TMEM132B: variants seen among roughly 807,000 people sequenced by gnomAD.
The protein encoded by TMEM132B is transmembrane protein 132B.
A neutral mutation model predicts 90.8 loss-of-function variants in TMEM132B; 18 were observed. The ratio of observed to expected loss-of-function variants is 0.20; its 90% CI spans 0.14 to 0.29. The LOEUF (loss-of-function observed/expected upper bound fraction) is 0.29, where lower values mean the gene tolerates loss of function less well. Among genes scored for constraint, TMEM132B ranks in the 10% least tolerant of loss-of-function variants. The pLI is 1.00. For missense variants in TMEM132B, 1,096 were observed against 1,326.8 expected (o/e 0.83, Z 2.70); for synonymous variants, 504 against 523.3 (o/e 0.96, Z 0.50).
At chr12:125,394,502 G>A (rs181295324) in intron 2 of TMEM132B, among the ~76,000 whole-genome samples, 20 of 152,326 alleles carry the variant, frequency 1.3e-4, no homozygotes, top group African/African-American at 3.8e-4. Flanking sequence ...TCAAGTGGGC[G>A]ACAGGGTTGA....
intron 2 of TMEM132B, among the ~76,000 whole-genome samples, chr12:125,411,157 G>A (rs1186652672): frequency 2.1e-5 from 2 of 93,746 alleles, no homozygotes; most frequent in Non-Finnish European, 4.6e-5. Context: ...TGGAGTGGAG[G>A]AGTGGAGTGG....
chr12:125,531,452 G>A (rs1432397718), intron 4 of TMEM132B, among the ~76,000 whole-genome samples: 1 of 152,180 alleles, frequency 6.6e-6, no homozygotes, highest in African/African-American at 2.4e-5. Flanking sequence ...GCCTTCCAAA[G>A]TGCTGGGATT....
At chr12:125,208,115 T>C (rs1400318178) in intron 1 of TMEM132B, among the ~76,000 whole-genome samples, 1 of 152,160 alleles carries the variant, frequency 6.6e-6, no homozygotes, top group Non-Finnish European at 1.5e-5. Flanking sequence ...GAAACTGAGG[T>C]ACACAGATCA....
intron 3 of TMEM132B, among the ~76,000 whole-genome samples, chr12:125,418,517 C>CT (rs569222532): frequency 6.7e-4 from 102 of 152,196 alleles, no homozygotes; most frequent in African/African-American, 2.4e-3. Flanking sequence ...CTTTTTATCC[C>CT]TTTTTTTGTT....
chr12:125,484,556 G>T (rs1481449766), intron 3 of TMEM132B, among the ~76,000 whole-genome samples: 1 of 152,130 alleles, frequency 6.6e-6, no homozygotes, highest in Non-Finnish European at 1.5e-5. Context: ...CTCTGGAACT[G>T]GTGAGGCTGT....
At chr12:125,266,617 C>T (rs1233875906) in intron 1 of TMEM132B, among the ~76,000 whole-genome samples, 1 of 152,192 alleles carries the variant, frequency 6.6e-6, no homozygotes, top group Non-Finnish European at 1.5e-5. Flanking sequence ...TCTGTTTTGG[C>T]ATGGTTGGGG....
intron 3 of TMEM132B, among the ~76,000 whole-genome samples, chr12:125,488,469 A>T (rs1451196075): frequency 6.6e-6 from 1 of 152,152 alleles, no homozygotes; most frequent in Non-Finnish European, 1.5e-5. Flanking sequence ...TGATTGGATT[A>T]TGGGGGCGGG....
At position 125,470,077 on chromosome 12, in the gene TMEM132B, C is replaced by A. The variant is rs79539598; in HGVS notation, c.1107-49362C>A. Among the ~76,000 whole-genome samples, 8 of 152,204 alleles carry A rather than the reference C, an allele frequency of 5.3e-5. No individual in the cohort carries two copies. The East Asian group carries it at 9.6e-4, about 18-fold the overall frequency. ...ATTTGCTGGTTATAGCTGGGGACATCCATGGCTGAGCTGGACTTCTATGCT... is the reference window on the plus strand; with the variant it reads ...ATTTGCTGGTTATAGCTGGGGACATACATGGCTGAGCTGGACTTCTATGCT... On this transcript the variant is annotated intron_variant, in intron 3 of 8. Transcript: ENST00000682704.
chr12:125,462,294 A>T (rs1244760852), intron 3 of TMEM132B, among the ~76,000 whole-genome samples: 2 of 152,216 alleles, frequency 1.3e-5, no homozygotes, highest in Admixed American at 6.5e-5. Context: ...CTAAGTAGAT[A>T]TTATATTATC....
intron 1 of TMEM132B, among the ~76,000 whole-genome samples, chr12:125,309,887 A>T (rs1876082888): frequency 6.6e-6 from 1 of 152,182 alleles, no homozygotes; most frequent in Non-Finnish European, 1.5e-5. Flanking sequence ...ACTTGTTGTC[A>T]TCATCCTAGG....
At chr12:125,243,143 A>G (rs1449731577) in intron 1 of TMEM132B, among the ~76,000 whole-genome samples, 2 of 135,162 alleles carry the variant, frequency 1.5e-5, no homozygotes, top group East Asian at 4.8e-4. Flanking sequence ...ACACATATAT[A>G]TATATATAAT....
intron 5 of TMEM132B, among the ~76,000 whole-genome samples, chr12:125,609,892 G>C (rs891704803): frequency 7.0e-6 from 1 of 143,230 alleles, no homozygotes; most frequent in East Asian, 2.1e-4. Context: ...ATTTTCATTT[G>C]CTTATGTATT....
intron 3 of TMEM132B, among the ~76,000 whole-genome samples, chr12:125,456,364 G>A (rs997538346): frequency 6.6e-6 from 1 of 152,194 alleles, no homozygotes; most frequent in African/African-American, 2.4e-5. Context: ...ATCACCAGCT[G>A]TGTGCTGATA....
intron 3 of TMEM132B, among the ~76,000 whole-genome samples, chr12:125,501,583 T>C (rs1444589445): frequency 2.6e-5 from 4 of 151,518 alleles, no homozygotes; most frequent in Admixed American, 2.0e-4. Context: ...CCTGTGCCCA[T>C]GTGTTCTCAT....
At chr12:125,641,304 A>C (rs1886625159) in intron 5 of TMEM132B, among the ~76,000 whole-genome samples, 1 of 152,218 alleles carries the variant, frequency 6.6e-6, no homozygotes, top group Non-Finnish European at 1.5e-5. Flanking sequence ...TTGGGGTTAC[A>C]AATAACTTTT....
At chr12:125,252,374 G>A (rs1162139165) in intron 1 of TMEM132B, among the ~76,000 whole-genome samples, 1 of 152,140 alleles carries the variant, frequency 6.6e-6, no homozygotes, top group African/African-American at 2.4e-5. Flanking sequence ...AGCTTCTTCC[G>A]TTAGGCGTGT....
In TMEM132B at chr12:125,415,848, C is replaced by T. The variant is rs575010647; in HGVS notation, c.1106+171C>T. Reference sequence around the variant, plus strand: ...TCACCAGAGTTCACATTTATCACAGCGTCGGGTTTGGTAACCGCGTTTTAA... The same window carrying T: ...TCACCAGAGTTCACATTTATCACAGTGTCGGGTTTGGTAACCGCGTTTTAA... On this transcript the variant is annotated intron_variant, in intron 3 of 8. Transcript: ENST00000682704. The surrounding 1 kb of genome is among the most constrained non-coding windows in gnomAD (Gnocchi z 5.3). Among the ~76,000 whole-genome samples the T allele has an allele frequency of 1.5e-4, 23 of 152,280 alleles. No individual in the cohort carries two copies. The highest frequency in any genetic ancestry group is 5.5e-4 in the African/African-American group (23 of 41,546).
At chr12:125,421,540 C>T (rs1297775959) in intron 3 of TMEM132B, among the ~76,000 whole-genome samples, 1 of 152,208 alleles carries the variant, frequency 6.6e-6, no homozygotes, top group Non-Finnish European at 1.5e-5. Context: ...GTCCCTCTCA[C>T]AACACATGGG....
Position 125,655,245 on chromosome 12 carries a change from A to G in TMEM132B, c.*535A>G, listed in dbSNP as rs1201837628. ...CTCTGGAATTCTTTTTGAAACATGA[A>G]GAGAAGAAATTTCAGTCTTTTCCTT... On this transcript the variant is annotated 3_prime_UTR_variant, in exon 9 of 9. Coordinates refer to ENST00000682704, the MANE Select transcript of TMEM132B (RefSeq NM_001366854.1). The G allele has an allele frequency of 6.6e-6, 1 of 152,500 alleles. No individual in the cohort carries two copies. Among genetic ancestry groups the G allele is most frequent in the Non-Finnish European group, 1.5e-5 (1 of 68,254 alleles). The allele number at this position is 152,500 out of a possible 1,614,324, so 9.4% of individuals were successfully genotyped here. A position where few individuals can be genotyped will look rare whatever the true frequency, so the allele number is the denominator to read the frequency against.
Sources: gnomAD v4.1 joint callset for allele counts (sites outside exome capture counted in the v4.1 genomes callset) on GRCh38, gnomAD v4.1.1 for gene constraint, Gnocchi (gnomAD v3.1) non-coding constraint, MANE v1.5 for transcripts, NCBI Gene and HGNC (gene_info 2026-07-23, HGNC 2026-07-21) for gene names.